The following SERINC4 variants were observed in gnomAD, a reference collection of about 807,000 sequenced individuals.
The protein encoded by SERINC4 is serine incorporator 4.
Under a neutral mutation model 52.0 loss-of-function variants are expected in SERINC4, and 52 were observed. The ratio of observed to expected loss-of-function variants is 1.00; its 90% CI spans 0.80 to 1.26. SERINC4 has a LOEUF of 1.26. Ranked by LOEUF, SERINC4 falls within the 50% of genes most tolerant of loss-of-function variation. The pLI is 0.00. For synonymous variants in SERINC4, 264 were observed against 247.7 expected, an observed-to-expected ratio of 1.07 and a Z score of -0.62; for missense variants, 723 against 632.8, an observed-to-expected ratio of 1.14 and a Z score of -1.53.
chr15:43,796,156 T>G lies in SERINC4; in HGVS notation c.1139A>C (p.Gln380Pro). ...GGATATGGAGCTCTTTATCCTCACCTGAAACTCATAGCTGTAAACCTTGAC... is the reference window on the plus strand; with the variant it reads ...GGATATGGAGCTCTTTATCCTCACCGGAAACTCATAGCTGTAAACCTTGAC... ...WIVKVYSYEF[Q>P]KPSLCFCCPE... Residue 380 changes from glutamine to proline, a missense_variant and splice_region_variant, in exon 9 of 12, where the codon CAG (glutamine) becomes CCG (proline). Physicochemically the swap from Gln to Pro is moderately conservative, Grantham distance 76. Transcript: ENST00000319327. 1 of 1,611,560 alleles carries G rather than the reference T, an allele frequency of 6.2e-7. No individual in the cohort carries two copies. Among genetic ancestry groups the G allele is most frequent in the Non-Finnish European group, 8.5e-7 (1 of 1,177,666 alleles).
Position 43,799,142 on chromosome 15 carries a change from G to C in SERINC4, c.280-5C>G, listed in dbSNP as rs2087269082. ...CAACCCCGAGGGCATCTGGATCTGG[G>C]AGTGTGTGTGAGAGAAATGGCAGGA... On this transcript the variant is annotated splice_region_variant and splice_polypyrimidine_tract_variant and intron_variant, in intron 2 of 11. Coordinates refer to ENST00000319327, the MANE Select transcript of SERINC4 (RefSeq NM_001258031.2). 2 of 1,546,128 alleles carry C rather than the reference G, an allele frequency of 1.3e-6. No homozygotes were observed. The highest frequency in any genetic ancestry group is 1.7e-6 in the Non-Finnish European group (2 of 1,143,336).
chr15:43,795,319 G>C, intron 11 of SERINC4, 69 bp downstream of exon 11: 12 of 1,597,546 alleles, frequency 7.5e-6, no homozygotes, highest in Non-Finnish European at 1.0e-5. Context: ...GTCTGGAATG[G>C]CCTTGAATTG....
rs377653923 is a variant in SERINC4 at position 43,799,591 on chromosome 15, C to T, written c.103-105G>A. ...CCCAGGAGGTTGAATTCCAAAATTTCCCCTTCCCCTTTCTTCCTTTTACTC... is the reference window on the plus strand; with the variant it reads ...CCCAGGAGGTTGAATTCCAAAATTTTCCCTTCCCCTTTCTTCCTTTTACTC... On this transcript the variant is annotated intron_variant, in intron 1 of 11. Transcript: ENST00000319327. 39 of 1,366,890 alleles carry T rather than the reference C, an allele frequency of 2.9e-5. No individual in the cohort carries two copies. The African/African-American group carries it at 3.0e-4, about 11-fold the overall frequency. 84.7% of individuals were successfully genotyped at this position (1,366,890 alleles called of 1,614,324 possible).
At chr15:43,799,224 C>T in intron 2 of SERINC4, 86 bp downstream of exon 2, 1 of 1,508,638 alleles carries the variant, frequency 6.6e-7, no homozygotes, top group Non-Finnish European at 9.0e-7. Flanking sequence ...ACTCATTTGT[C>T]TCCTGCCCCC....
At chr15:43,797,000 C>T (rs1186802026) in intron 6 of SERINC4, 60 bp from the exon 7 acceptor site, 7 of 1,502,218 alleles carry the variant, frequency 4.7e-6, no homozygotes, top group Non-Finnish European at 6.5e-6. Context: ...ATTTCTACCC[C>T]CACTTGTACT....
At chr15:43,798,714 C>T (rs72714327) in intron 3 of SERINC4, 19,206 of 623,972 alleles carry the variant, frequency 0.031, 366 homozygotes, top group Non-Finnish European at 0.038. Context: ...TTAATAGCAT[C>T]TGGGCAATGT....
chr15:43,796,980 A>G, intron 6 of SERINC4, 40 bp from the exon 7 acceptor site: 1 of 1,560,038 alleles, frequency 6.4e-7, no homozygotes, highest in Non-Finnish European at 8.8e-7. Flanking sequence ...ACAGGCTGGT[A>G]ATTTCCTCCA....
chr15:43,799,728 C>T, intron 1 of SERINC4, 157 bp downstream of exon 1: 1 of 822,632 alleles, frequency 1.2e-6, no homozygotes, highest in Non-Finnish European at 2.1e-6. Flanking sequence ...TCGACCTAAA[C>T]ACCTGGGGCT....
intron 3 of SERINC4, 126 bp downstream of exon 3, chr15:43,798,833 A>C: frequency 1.1e-6 from 1 of 948,852 alleles, no homozygotes; most frequent in Non-Finnish European, 1.6e-6. Context: ...GTACACGAGA[A>C]GCAGGGACTT....
rs771038548 is a variant in SERINC4 at position 43,794,995 on chromosome 15, A to C, written c.*5T>G. The C allele has an allele frequency of 1.9e-6, 3 of 1,600,648 alleles. No individual in the cohort carries two copies. Among genetic ancestry groups the C allele is most frequent in the East Asian group, 4.5e-5 (2 of 44,710 alleles). ...GTCAGGGGAACCCCAGTTTGTGAAA[A>C]GGACTTAGACTGGAGGATATTTGTT... is the stretch of plus-strand genomic sequence containing the variant. On this transcript the variant is annotated 3_prime_UTR_variant, in exon 12 of 12. Coordinates refer to ENST00000319327, the MANE Select transcript of SERINC4 (RefSeq NM_001258031.2).
chr15:43,799,295 C>T lies in SERINC4; in HGVS notation c.279+15G>A, dbSNP rs1430825810. On this transcript the variant is annotated intron_variant, in intron 2 of 11. Transcript: ENST00000319327. Reference sequence around the variant, plus strand: ...TATCTCTTCCCACCTGACAACCCGACCCCCTCTCACTTACCCTGTGTGTCT... The same window carrying T: ...TATCTCTTCCCACCTGACAACCCGATCCCCTCTCACTTACCCTGTGTGTCT... 6.5e-7 allele frequency: 1 copy of T among 1,548,230 alleles called. No homozygotes were observed. The highest frequency in any genetic ancestry group is 2.0e-5 in the Admixed American group (1 of 50,998).
At chr15:43,799,564 A>C (rs1175690631) in intron 1 of SERINC4, 78 bp from the exon 2 acceptor site, 1 of 1,515,238 alleles carries the variant, frequency 6.6e-7, no homozygotes, top group African/African-American at 1.4e-5. Context: ...GTGTGAGGTT[A>C]ACCCAGGAGG....
Position 43,795,421 on chromosome 15 carries a change from A to T in SERINC4, c.1310T>A (p.Leu437His). 1 of 1,614,124 alleles carries T rather than the reference A, an allele frequency of 6.2e-7. No individual in the cohort carries two copies. The highest frequency in any genetic ancestry group is 8.5e-7 in the Non-Finnish European group (1 of 1,180,032). ...AFHFVFFLAS[L>H]YVMVTLTNWF... ...GTTGGTAAGGGTAACCATGACATAG[A>T]GTGAGGCAAGGAAGAAGACGAAGTG... Residue 437 changes from leucine to histidine, a missense_variant, in exon 11 of 12, where the codon CTC (leucine) becomes CAC (histidine). Coordinates refer to ENST00000319327, the MANE Select transcript of SERINC4 (RefSeq NM_001258031.2).
Position 43,795,962 on chromosome 15 carries a change from G to A in SERINC4, c.1140+193C>T, listed in dbSNP as rs1166202064. ...AAATGGAGCAAATACCTACCTCACA[G>A]GGTTGTTGTGAGGGTTAAATTAAAT... On this transcript the variant is annotated intron_variant, in intron 9 of 11. Transcript: ENST00000319327. 4.7e-6 allele frequency: 3 copies of A among 642,088 alleles called. No homozygotes were observed. In the African/African-American group the frequency reaches 5.5e-5, roughly 12 times the overall value. 39.8% of individuals were successfully genotyped at this position (642,088 alleles called of 1,614,324 possible).
intron 5 of SERINC4, 127 bp downstream of exon 5, chr15:43,797,793 C>CT (rs2087243368): frequency 3.0e-6 from 2 of 674,362 alleles, no homozygotes; most frequent in Non-Finnish European, 5.2e-6. Context: ...CATTCCTAAG[C>CT]TTTTTTGATA....
rs560748463 is a variant in SERINC4, at chr15:43,798,345, G to A, written c.538+80C>T. 9.7e-5 allele frequency: 106 copies of A among 1,095,518 alleles called. No individual in the cohort carries two copies. The African/African-American group carries it at 1.0e-3, about 11-fold the overall frequency. The allele number at this position is 1,095,518 out of a possible 1,614,324, so 67.9% of individuals were successfully genotyped here. A position where few individuals can be genotyped will look rare whatever the true frequency, so the allele number is the denominator to read the frequency against. ...ATTACAGGCGTGAGCCACTGCACCC[G>A]GCCATTACTCCTCTTCTTACCCACT... is the stretch of plus-strand genomic sequence containing the variant. On this transcript the variant is annotated intron_variant, in intron 4 of 11. Coordinates refer to ENST00000319327, the MANE Select transcript of SERINC4 (RefSeq NM_001258031.2).
At chr15:43,796,036 C>T in intron 9 of SERINC4, 119 bp downstream of exon 9, 1 of 776,458 alleles carries the variant, frequency 1.3e-6, no homozygotes, top group Non-Finnish European at 2.2e-6. Flanking sequence ...ATTGTGGGTA[C>T]TCAATAAAAG....
Position 43,797,157 on chromosome 15 carries a change from A to G in SERINC4, c.832T>C (p.Cys278Arg). ...GLISFLSIAP[C>R]IRLKQPRSGL... ...GACATGTACCCACTGAGGCGGATGC[A>G]AGGAGCGATGGAGAGGAAGGAGATG... Residue 278 changes from cysteine (C) to arginine (R), a missense_variant, in exon 6 of 12, where the codon TGC becomes CGC. Cys to Arg is a radical substitution (Grantham distance 180). Transcript: ENST00000319327. 6.4e-7 allele frequency: 1 copy of G among 1,551,370 alleles called. No individual in the cohort carries two copies. The highest frequency in any genetic ancestry group is 8.7e-7 in the Non-Finnish European group (1 of 1,147,062).
chr15:43,796,443 T>C, intron 8 of SERINC4, 173 bp downstream of exon 8: 1 of 758,416 alleles, frequency 1.3e-6, no homozygotes, highest in Non-Finnish European at 2.2e-6. Context: ...CTTCATCTCA[T>C]ACAGATCATC....
Sources: gnomAD v4.1 joint callset for allele counts on GRCh38, gnomAD v4.1.1 for gene constraint, MANE v1.5 for transcripts, NCBI Gene and HGNC (gene_info 2026-07-23, HGNC 2026-07-21) for gene names.